The following PLXNA4 variants were observed in gnomAD, a reference collection of about 807,000 sequenced individuals.
The protein encoded by PLXNA4 is plexin A4.
Under a neutral mutation model 191.8 loss-of-function variants are expected in PLXNA4, and 44 were observed. The ratio of observed to expected loss-of-function variants is 0.23; its 90% CI spans 0.18 to 0.29. The LOEUF is 0.29. Among genes scored for constraint, PLXNA4 ranks in the 10% least tolerant of loss-of-function variants. PLXNA4 has a pLI of 1.00. For missense variants in PLXNA4, 1,800 were observed against 2,488.8 expected, an observed-to-expected ratio of 0.72 and a Z score of 5.89; for synonymous variants, 1,082 against 1,009.5, an observed-to-expected ratio of 1.07 and a Z score of -1.36.
intron 6 of PLXNA4, among the ~76,000 whole-genome samples, 165 bp downstream of exon 6, chr7:132,228,181 C>T (rs1798395049): frequency 1.3e-5 from 2 of 152,130 alleles, no homozygotes; most frequent in African/African-American, 4.8e-5. Flanking sequence ...TTGCATCCCC[C>T]CGTAGACACT....
At chr7:132,524,236 A>C (rs1799310362) in intron 1 of PLXNA4, among the ~76,000 whole-genome samples, 2 of 152,202 alleles carry the variant, frequency 1.3e-5, no homozygotes, top group Admixed American at 1.3e-4. Context: ...ATGTCAATGA[A>C]AGAATTTTAC....
intron 23 of PLXNA4, among the ~76,000 whole-genome samples, chr7:132,164,791 T>A (rs1796053044): frequency 6.6e-6 from 1 of 152,238 alleles, no homozygotes; most frequent in Non-Finnish European, 1.5e-5. Context: ...TCAGTAAGTC[T>A]GGGGCTGGGA....
intron 2 of PLXNA4, among the ~76,000 whole-genome samples, chr7:132,603,526 C>T (rs1259796998): frequency 6.6e-6 from 1 of 152,200 alleles, no homozygotes; most frequent in Non-Finnish European, 1.5e-5. Flanking sequence ...AGTGGACGAG[C>T]CCAGCCTCTA....
chr7:132,495,412 A>G (rs1797973681), intron 2 of PLXNA4, among the ~76,000 whole-genome samples: 1 of 152,094 alleles, frequency 6.6e-6, no homozygotes, highest in African/African-American at 2.4e-5. Context: ...GCAGGCATCC[A>G]CTGTTTACAA....
chr7:132,336,475 C>T (rs1347672229), intron 3 of PLXNA4, among the ~76,000 whole-genome samples: 1 of 152,148 alleles, frequency 6.6e-6, no homozygotes, highest in African/African-American at 2.4e-5. Context: ...TGGTACTTAG[C>T]CTGATCTCAA....
intron 1 of PLXNA4, among the ~76,000 whole-genome samples, chr7:132,572,223 G>A (rs1271548277): frequency 1.3e-5 from 2 of 152,192 alleles, no homozygotes; most frequent in South Asian, 4.1e-4. Context: ...TGTGATCTGG[G>A]ACAAAGTCTT....
At chr7:132,510,251 A>G (rs1037072229) in intron 1 of PLXNA4, among the ~76,000 whole-genome samples, 3 of 152,224 alleles carry the variant, frequency 2.0e-5, no homozygotes, top group African/African-American at 7.2e-5. Flanking sequence ...TCACTAAGCA[A>G]TGGAAAATTC....
At position 132,371,218 on chromosome 7, in the gene PLXNA4, G is replaced by T. The variant is rs140498864; in HGVS notation, c.1372-72996C>A. Among the ~76,000 whole-genome samples, 324 of 152,232 alleles carry T rather than the reference G, an allele frequency of 2.1e-3. 1 individual carries two copies. Among genetic ancestry groups the T allele is most frequent in the African/African-American group, 7.6e-3 (317 of 41,526 alleles). ...CATGAACCAGGTTTTAAGTCCTTTG[G>T]CTCCGTGTTATGTATACAGAAGGCA... On this transcript the variant is annotated intron_variant, in intron 3 of 31. Transcript: ENST00000321063.
chr7:132,252,333 A>ATT, intron 4 of PLXNA4, among the ~76,000 whole-genome samples: 1 of 92,482 alleles, frequency 1.1e-5, no homozygotes, highest in Non-Finnish European at 1.9e-5. Flanking sequence ...TTTTTTTGAG[A>ATT]TGGAGTCTCA....
At chr7:132,525,013 C>T (rs1054856591) in intron 1 of PLXNA4, among the ~76,000 whole-genome samples, 1 of 152,206 alleles carries the variant, frequency 6.6e-6, no homozygotes, top group African/African-American at 2.4e-5. Context: ...TCACTGCCAT[C>T]CAGAGCCATT....
chr7:132,639,264 C>T (rs920601129), intron 2 of PLXNA4, among the ~76,000 whole-genome samples: 2 of 152,172 alleles, frequency 1.3e-5, no homozygotes, highest in South Asian at 2.1e-4. Context: ...AGTCCTTAGG[C>T]CTTTGTGCTA....
Position 132,132,463 on chromosome 7 carries a change from T to TTCTGTTCTGTTCTGC in PLXNA4, c.5589+585_5589+586insGCAGAACAGAACAGA, listed in dbSNP as rs1563048301. On this transcript the variant is annotated intron_variant, in intron 31 of 31. Transcript: ENST00000321063. Reference sequence around the variant, plus strand: ...TTCTGTTCTGTTCTGTTCTGTTCTGTTCTGCTCTGCTCTGCTCTGCTCTGC... The same window carrying TTCTGTTCTGTTCTGC: ...TTCTGTTCTGTTCTGTTCTGTTCTGTTCTGTTCTGTTCTGCTCTGCTCTGCTCTGCTCTGCTCTGC... Among the ~76,000 whole-genome samples the TTCTGTTCTGTTCTGC allele has an allele frequency of 8.2e-3, 539 of 65,626 alleles. 20 individuals carry two copies. Among genetic ancestry groups the TTCTGTTCTGTTCTGC allele is most frequent in the African/African-American group, 0.026 (510 of 19,452 alleles). 43.1% of individuals were successfully genotyped at this position (65,626 alleles called of 152,430 possible). A position where few individuals can be genotyped will look rare whatever the true frequency, so the allele number is the denominator to read the frequency against.
chr7:132,244,959 T>C (rs1798997911), intron 4 of PLXNA4, among the ~76,000 whole-genome samples: 1 of 152,186 alleles, frequency 6.6e-6, no homozygotes, highest in Non-Finnish European at 1.5e-5. Flanking sequence ...GTCTCTATGA[T>C]TCTCTTTCCC....
At position 132,124,325 on chromosome 7, in the gene PLXNA4, A is replaced by AGCACGT. The variant is rs1335435444; in HGVS notation, c.*6148_*6153dup. 1 of 152,206 alleles carries AGCACGT rather than the reference A, an allele frequency of 6.6e-6. No individual in the cohort carries two copies. Among genetic ancestry groups the AGCACGT allele is most frequent in the Non-Finnish European group, 1.5e-5 (1 of 68,036 alleles). 9.4% of individuals were successfully genotyped at this position (152,206 alleles called of 1,614,324 possible). On this transcript the variant is annotated 3_prime_UTR_variant, in exon 32 of 32. Transcript: ENST00000321063. ...GAGAGGAAAGGAGGACAGACAGATGAGCACGTGTATCCCATCTTCGTCCTG... is the reference window on the plus strand; with the variant it reads ...GAGAGGAAAGGAGGACAGACAGATGAGCACGTGCACGTGTATCCCATCTTCGTCCTG...
At chr7:132,196,710 A>G (rs1219321965) in intron 13 of PLXNA4, among the ~76,000 whole-genome samples, 1 of 152,140 alleles carries the variant, frequency 6.6e-6, no homozygotes, top group Non-Finnish European at 1.5e-5. Flanking sequence ...GTTTGTCCCA[A>G]TTTCCCCTTA....
At chr7:132,515,686 T>C (rs73158870) in intron 1 of PLXNA4, among the ~76,000 whole-genome samples, 16,395 of 152,282 alleles carry the variant, frequency 0.11, 1,105 homozygotes, top group Non-Finnish European at 0.14. Flanking sequence ...CCCTATCTGC[T>C]GAGCATTTGC....
At chr7:132,599,402 T>G (rs74557534) in intron 2 of PLXNA4, among the ~76,000 whole-genome samples, 1 of 152,364 alleles carries the variant, frequency 6.6e-6, no homozygotes, top group East Asian at 1.9e-4. Context: ...TCAACTTCTA[T>G]GTACTTTATT....
intron 4 of PLXNA4, among the ~76,000 whole-genome samples, chr7:132,281,084 C>T (rs1056985696): frequency 6.6e-6 from 1 of 151,966 alleles, no homozygotes; most frequent in African/African-American, 2.4e-5. Flanking sequence ...TTTACTATCA[C>T]CAAGAAAATT....
At chr7:132,200,972 G>A (rs1411929329) in intron 12 of PLXNA4, among the ~76,000 whole-genome samples, 1 of 152,236 alleles carries the variant, frequency 6.6e-6, no homozygotes, top group Non-Finnish European at 1.5e-5. Context: ...AAGTCACAGG[G>A]TGAAGTTCTA....
Sources: allele counts gnomAD v4.1 joint callset (sites outside exome capture counted in the v4.1 genomes callset), GRCh38; gene constraint gnomAD v4.1.1; transcripts MANE v1.5; gene names NCBI Gene and HGNC (gene_info 2026-07-23, HGNC 2026-07-21).